The following RASSF4 variants were observed in gnomAD, a reference collection of about 807,000 sequenced individuals.
RASSF4 encodes Ras association domain family member 4.
Under a neutral mutation model 41.1 loss-of-function variants are expected in RASSF4, and 38 were observed. That is an observed-to-expected ratio of 0.92 (90% CI 0.71 to 1.21). The LOEUF (loss-of-function observed/expected upper bound fraction) is 1.21, where lower values mean the gene tolerates loss of function less well. Among genes scored for constraint, RASSF4 ranks in the 50% most tolerant of loss-of-function variants. The probability of loss-of-function intolerance (pLI) is 0.00; values close to 1 mark genes in which losing one functional copy is unlikely to be tolerated. For missense variants in RASSF4, 414 were observed against 419.4 expected, an observed-to-expected ratio of 0.99 and a Z score of 0.11; for synonymous variants, 179 against 163.4, an observed-to-expected ratio of 1.10 and a Z score of -0.73.
chr10:44,978,344 G>A, intron 3 of RASSF4: 1 of 306,534 alleles, frequency 3.3e-6, no homozygotes, highest in Non-Finnish European at 6.0e-6. Flanking sequence ...ACCAGGATCG[G>A]CCACGCACTG....
chr10:44,967,933 A>G (rs1265701789), intron 1 of RASSF4, among the ~76,000 whole-genome samples: 1 of 152,190 alleles, frequency 6.6e-6, no homozygotes, highest in East Asian at 1.9e-4. Context: ...AGCTAACATC[A>G]GAAGACAGGA....
chr10:44,966,089 A>C (rs924660673), intron 1 of RASSF4, among the ~76,000 whole-genome samples: 1 of 152,172 alleles, frequency 6.6e-6, no homozygotes, highest in Non-Finnish European at 1.5e-5. Context: ...TACATTTTCT[A>C]TTTGAACAAA....
rs1842225169 is a variant in RASSF4, at chr10:44,994,366, A to G, written c.*1037A>G. Reference sequence around the variant, plus strand: ...ACAGTTTACATCAGTCATGTGAAGTATTTGTCTAAAACAGAGCAAACTGAA... The same window carrying G: ...ACAGTTTACATCAGTCATGTGAAGTGTTTGTCTAAAACAGAGCAAACTGAA... On this transcript the variant is annotated 3_prime_UTR_variant, in exon 11 of 11. Transcript: ENST00000340258. 1.3e-5 allele frequency: 2 copies of G among 152,672 alleles called. No homozygotes were observed. The highest frequency in any genetic ancestry group is 4.8e-5 in the African/African-American group (2 of 41,464). The allele number at this position is 152,672 out of a possible 1,614,324, so 9.5% of individuals were successfully genotyped here.
chr10:44,990,817 G>T, intron 8 of RASSF4, 131 bp from the exon 9 acceptor site: 1 of 843,544 alleles, frequency 1.2e-6, no homozygotes. Flanking sequence ...TCAGGGCAGC[G>T]CTGTTAGCGA....
intron 1 of RASSF4, among the ~76,000 whole-genome samples, chr10:44,961,801 C>A (rs530128643): frequency 1.2e-4 from 19 of 152,240 alleles, no homozygotes; most frequent in Non-Finnish European, 2.4e-4. Context: ...CAGAGCAGAG[C>A]TTTAAACCCA....
In RASSF4 at chr10:44,984,090, C is replaced by A; in HGVS notation, c.350C>A (p.Ala117Asp). ...QGPSIQPVHK[A>D]ESSTDSSGPL... ...CCAAGCATTCAGCCAGTGCACAAGGCTGAGAGTTCCACAGACAGCTCGGGT... is the reference window on the plus strand; with the variant it reads ...CCAAGCATTCAGCCAGTGCACAAGGATGAGAGTTCCACAGACAGCTCGGGT... Residue 117 changes from alanine (A) to aspartate (D), a missense_variant, in exon 5 of 11, where the codon GCT (alanine) becomes GAT (aspartate). Transcript: ENST00000340258. The A allele has an allele frequency of 6.2e-7, 1 of 1,604,916 alleles. No homozygotes were observed. The highest frequency in any genetic ancestry group is 1.7e-5 in the Admixed American group (1 of 58,864).
chr10:44,966,832 A>G (rs1840921480), intron 1 of RASSF4, among the ~76,000 whole-genome samples: 1 of 151,896 alleles, frequency 6.6e-6, no homozygotes, highest in South Asian at 2.1e-4. Flanking sequence ...GAGTCTTATG[A>G]CCCCTAGCTT....
At chr10:44,971,512 C>A (rs761648853) in intron 2 of RASSF4, 2 of 643,806 alleles carry the variant, frequency 3.1e-6, no homozygotes, top group Non-Finnish European at 2.9e-6. Context: ...GCACCCTGGA[C>A]ATCCTGGACC....
intron 1 of RASSF4, among the ~76,000 whole-genome samples, chr10:44,966,442 C>T (rs1840906565): frequency 6.6e-6 from 1 of 152,206 alleles, no homozygotes; most frequent in Non-Finnish European, 1.5e-5. Flanking sequence ...TCGACCCCAG[C>T]TGATGTCCAG....
At chr10:44,962,113 G>T (rs915721398) in intron 1 of RASSF4, among the ~76,000 whole-genome samples, 2 of 152,204 alleles carry the variant, frequency 1.3e-5, no homozygotes, top group African/African-American at 4.8e-5. Flanking sequence ...GAGCCCTGAA[G>T]ACTCTCTATC....
At chr10:44,980,319 G>A (rs375916331) in intron 3 of RASSF4, among the ~76,000 whole-genome samples, 11 of 152,290 alleles carry the variant, frequency 7.2e-5, no homozygotes, top group Middle Eastern at 6.8e-3. Context: ...TGTCTAGTTC[G>A]CTGGCTCTTC....
chr10:44,971,873 G>A, intron 3 of RASSF4, 25 bp downstream of exon 3: 3 of 1,569,494 alleles, frequency 1.9e-6, no homozygotes, highest in Non-Finnish European at 2.6e-6. Flanking sequence ...CTTGTTCATG[G>A]GGTCACCATG....
At chr10:44,981,560 T>C (rs1056078862) in intron 3 of RASSF4, 16 of 152,210 alleles carry the variant, frequency 1.1e-4, no homozygotes, top group African/African-American at 3.6e-4. Flanking sequence ...CAAAGTTAAT[T>C]GTGGGAAGAC....
intron 3 of RASSF4, chr10:44,977,224 T>G: frequency 2.0e-5 from 16 of 786,730 alleles, no homozygotes; most frequent in Admixed American, 2.7e-5. Flanking sequence ...AAACAGGCTG[T>G]TATCATATTC....
chr10:44,990,952 G>A lies in RASSF4; in HGVS notation c.690G>A (p.Arg230=). 1.2e-6 allele frequency: 2 copies of A among 1,611,612 alleles called. No individual in the cohort carries two copies. The highest frequency in any genetic ancestry group is 2.2e-5 in the South Asian group (2 of 91,014). ...ALYIVHESGE[R]TKLKDCEYPL... is the part of the protein sequence containing the mutation. ...GTAAACCACCTTCTTTTTCAGAGCG[G>A]ACAAAATTAAAAGACTGCGAGTACC... The change falls in exon 9 of 11, where the codon CGG becomes CGA. Residue 230 remains arginine (R), a synonymous_variant. Coordinates refer to ENST00000340258, the MANE Select transcript of RASSF4 (RefSeq NM_032023.4).
intron 2 of RASSF4, chr10:44,970,522 A>T (rs1013954267): frequency 3.0e-5 from 14 of 469,028 alleles, no homozygotes; most frequent in Non-Finnish European, 3.4e-5. Context: ...AGGTGTGTAC[A>T]GGGCCTCATT....
intron 2 of RASSF4, 87 bp from the exon 3 acceptor site, chr10:44,971,686 T>G: frequency 9.0e-6 from 9 of 1,001,148 alleles, no homozygotes; most frequent in African/African-American, 1.6e-5. Context: ...CTGTTACAAA[T>G]GAGGAAACAG....
intron 3 of RASSF4, among the ~76,000 whole-genome samples, chr10:44,974,685 G>A (rs1248140538): frequency 6.6e-6 from 1 of 152,126 alleles, no homozygotes. Context: ...ACGGTTTGGG[G>A]TGCCTTCTCC....
chr10:44,988,554 AC>A (rs1249068164), intron 6 of RASSF4, among the ~76,000 whole-genome samples: 18 of 152,170 alleles, frequency 1.2e-4, no homozygotes, highest in African/African-American at 3.9e-4. Flanking sequence ...AATGAGAAGA[AC>A]TACAGATGTT....
Sources: gnomAD v4.1 joint callset for allele counts (sites outside exome capture counted in the v4.1 genomes callset) on GRCh38, gnomAD v4.1.1 for gene constraint, MANE v1.5 for transcripts, NCBI Gene and HGNC (gene_info 2026-07-23, HGNC 2026-07-21) for gene names.